The following KCNAB3 variants were observed in gnomAD, a reference collection of about 807,000 sequenced individuals.
KCNAB3 encodes the protein voltage-gated potassium channel subunit beta-3.
KCNAB3 carries 62 observed loss-of-function variants against 67.7 expected under a neutral mutation model. The ratio of observed to expected loss-of-function variants is 0.92; its 90% CI spans 0.75 to 1.13. The LOEUF (loss-of-function observed/expected upper bound fraction) is 1.13, where lower values mean the gene tolerates loss of function less well. KCNAB3 is among the 50% of genes most tolerant of loss of function. KCNAB3 has a pLI of 0.00. For synonymous variants in KCNAB3, 212 were observed against 205.4 expected, an observed-to-expected ratio of 1.03 and a Z score of -0.27; for missense variants, 514 against 522.9, an observed-to-expected ratio of 0.98 and a Z score of 0.17.
At chr17:7,927,847 G>C (rs540426650) in intron 1 of KCNAB3, 21 bp from the exon 2 acceptor site, 1 of 1,613,624 alleles carries the variant, frequency 6.2e-7, no homozygotes, top group Admixed American at 1.7e-5. Flanking sequence ...CAGAAGCAGC[G>C]GGAAGGGGTG....
Position 7,926,087 on chromosome 17 carries a change from C to G in KCNAB3, c.421G>C (p.Gly141Arg), listed in dbSNP as rs1260652941. 1.2e-6 allele frequency: 2 copies of G among 1,614,014 alleles called. No homozygotes were observed. The highest frequency in any genetic ancestry group is 1.7e-6 in the Non-Finnish European group (2 of 1,180,022). Residue 141 changes from glycine to arginine, a missense_variant, in exon 5 of 14, where the codon GGG (glycine) becomes CGG (arginine). Coordinates refer to ENST00000303790, the MANE Select transcript of KCNAB3 (RefSeq NM_004732.4). Reference protein sequence around the residue: ...YAAGKAERTLGNILKSKGWRR... With the variant: ...YAAGKAERTLRNILKSKGWRR... ...CAACCTTTGCTCTTGAGGATGTTCC[C>G]TAGGGTTCTTTCAGCCCTAAAAGAA... is the stretch of plus-strand genomic sequence containing the variant.
In KCNAB3 at chr17:7,923,040, G is replaced by T. The variant is rs969443100; in HGVS notation, c.*62C>A. 4.7e-6 allele frequency: 7 copies of T among 1,504,158 alleles called. No homozygotes were observed. The South Asian group carries it at 7.9e-5, about 17-fold the overall frequency. 93.2% of individuals were successfully genotyped at this position (1,504,158 alleles called of 1,614,324 possible). A position where few individuals can be genotyped will look rare whatever the true frequency, so the allele number is the denominator to read the frequency against. ...GGGATCCGGAGCGGGAGAGGCGGCT[G>T]CGAGGAGCGGGGCTCGGGCGGGTGC... On this transcript the variant is annotated 3_prime_UTR_variant, in exon 14 of 14. Transcript: ENST00000303790.
chr17:7,926,289 A>G (rs1357565781), intron 4 of KCNAB3, among the ~76,000 whole-genome samples, 186 bp from the exon 5 acceptor site: 2 of 152,220 alleles, frequency 1.3e-5, no homozygotes, highest in African/African-American at 4.8e-5. Flanking sequence ...TATAGTTTTC[A>G]TCACATATTC....
chr17:7,929,827 T>TACA lies in KCNAB3; in HGVS notation c.-393_-392insTGT. 6.8e-6 allele frequency: 7 copies of TACA among 1,026,648 alleles called. No individual in the cohort carries two copies. Among genetic ancestry groups the TACA allele is most frequent in the South Asian group, 3.6e-5 (1 of 27,912 alleles). 63.6% of individuals were successfully genotyped at this position (1,026,648 alleles called of 1,614,324 possible). ...CGAACCGCTGCGGGACCCGCTGGGC[T>TACA]CCCAGCCGCGTCGGCAGCGGGCCCA... On this transcript the variant is annotated 5_prime_UTR_variant, in exon 1 of 14. Transcript: ENST00000303790. The surrounding 1 kb of genome is among the most constrained non-coding windows in gnomAD (Gnocchi z 5.7).
In KCNAB3 at chr17:7,929,836, C is replaced by A; in HGVS notation, c.-401G>T. The A allele has an allele frequency of 9.3e-7, 1 of 1,071,608 alleles. No homozygotes were observed. The highest frequency in any genetic ancestry group is 1.1e-6 in the Non-Finnish European group (1 of 883,460). 66.4% of individuals were successfully genotyped at this position (1,071,608 alleles called of 1,614,324 possible). ...GCGGGACCCGCTGGGCTCCCAGCCG[C>A]GTCGGCAGCGGGCCCAGCTCATCAG... On this transcript the variant is annotated 5_prime_UTR_variant, in exon 1 of 14. Transcript: ENST00000303790. This position sits in a 1 kb window ranked among gnomAD's most constrained non-coding sequence, Gnocchi z 5.7.
chr17:7,929,710 A>C lies in KCNAB3; in HGVS notation c.-275T>G. ...CAGGAGCAAGGATTAGGAGGGGGAA[A>C]TGGATGAGGGTAAAGGTCGAGGATG... is the stretch of plus-strand genomic sequence containing the variant. On this transcript the variant is annotated 5_prime_UTR_variant, in exon 1 of 14. Transcript: ENST00000303790. This position sits in a 1 kb window ranked among gnomAD's most constrained non-coding sequence, Gnocchi z 5.7. The C allele has an allele frequency of 1.3e-5, 17 of 1,294,734 alleles. No homozygotes were observed. The highest frequency in any genetic ancestry group is 3.9e-5 in the East Asian group (1 of 25,644). The allele number at this position is 1,294,734 out of a possible 1,614,324, so 80.2% of individuals were successfully genotyped here. A position where few individuals can be genotyped will look rare whatever the true frequency, so the allele number is the denominator to read the frequency against.
intron 12 of KCNAB3, 34 bp downstream of exon 12, chr17:7,923,677 G>A: frequency 6.4e-7 from 1 of 1,553,322 alleles, no homozygotes; most frequent in Non-Finnish European, 8.7e-7. Context: ...CATGTCAGGA[G>A]GAGACAGGGC....
chr17:7,923,279 T>C (rs374328569), intron 13 of KCNAB3, 100 bp from the exon 14 acceptor site: 8 of 1,341,832 alleles, frequency 6.0e-6, no homozygotes, highest in Admixed American at 3.4e-5. Context: ...TGGGGTCAAG[T>C]GGCAAGGCAA....
chr17:7,927,222 A>T (rs370853227), intron 4 of KCNAB3, 122 bp downstream of exon 4: 4 of 936,340 alleles, frequency 4.3e-6, no homozygotes, highest in East Asian at 2.4e-5. Flanking sequence ...TCCCTCCGCC[A>T]AAAGGTTGGA....
intron 4 of KCNAB3, 188 bp downstream of exon 4, chr17:7,927,156 C>T: frequency 1.5e-6 from 1 of 661,922 alleles, no homozygotes; most frequent in Non-Finnish European, 2.7e-6. Context: ...CGCCCATTGA[C>T]TTCTAAGCCA....
At chr17:7,925,862 C>T (rs745533582) in intron 6 of KCNAB3, 69 bp downstream of exon 6, 6 of 1,463,864 alleles carry the variant, frequency 4.1e-6, no homozygotes, top group African/African-American at 1.4e-5. Context: ...CTGTCCCCAC[C>T]CCCACCCCAT....
intron 3 of KCNAB3, 70 bp downstream of exon 3, chr17:7,927,587 C>G: frequency 1.9e-6 from 3 of 1,587,252 alleles, no homozygotes; most frequent in Middle Eastern, 1.7e-4. Flanking sequence ...AAACCCCTAT[C>G]CAGGTTCACT....
At position 7,929,822 on chromosome 17, in the gene KCNAB3, TGGG is replaced by T; in HGVS notation, c.-390_-388del. On this transcript the variant is annotated 5_prime_UTR_variant, in exon 1 of 14. Coordinates refer to ENST00000303790, the MANE Select transcript of KCNAB3 (RefSeq NM_004732.4). The surrounding 1 kb of genome is among the most constrained non-coding windows in gnomAD (Gnocchi z 5.7). ...CAGCGCGAACCGCTGCGGGACCCGC[TGGG>T]CTCCCAGCCGCGTCGGCAGCGGGCC... 107 of 1,066,292 alleles carry T rather than the reference TGGG, an allele frequency of 1.0e-4. No homozygotes were observed. The highest frequency in any genetic ancestry group is 6.3e-4 in the Admixed American group (12 of 19,128). The allele number at this position is 1,066,292 out of a possible 1,614,324, so 66.1% of individuals were successfully genotyped here.
Position 7,929,822 on chromosome 17 carries a change from TGGGCTCCCAG to T in KCNAB3, c.-397_-388del. ...CAGCGCGAACCGCTGCGGGACCCGC[TGGGCTCCCAG>T]CCGCGTCGGCAGCGGGCCCAGCTCA... On this transcript the variant is annotated 5_prime_UTR_variant, in exon 1 of 14. Transcript: ENST00000303790. This position sits in a 1 kb window ranked among gnomAD's most constrained non-coding sequence, Gnocchi z 5.7. 20 of 1,066,396 alleles carry T rather than the reference TGGGCTCCCAG, an allele frequency of 1.9e-5. No homozygotes were observed. The highest frequency in any genetic ancestry group is 1.0e-4 in the Admixed American group (2 of 19,136). 66.1% of individuals were successfully genotyped at this position (1,066,396 alleles called of 1,614,324 possible). A position where few individuals can be genotyped will look rare whatever the true frequency, so the allele number is the denominator to read the frequency against.
At position 7,927,839 on chromosome 17, in the gene KCNAB3, G is replaced by A. The variant is rs928802266; in HGVS notation, c.243-13C>T. On this transcript the variant is annotated splice_polypyrimidine_tract_variant and intron_variant, in intron 1 of 13. Transcript: ENST00000303790. ...CTTCCCTAGGTTCCTGCAAGATACA[G>A]AAGCAGCGGGAAGGGGTGGAGCCTC... 1.9e-6 allele frequency: 3 copies of A among 1,613,732 alleles called. No individual in the cohort carries two copies. In the African/African-American group the frequency reaches 4.0e-5, roughly 22 times the overall value.
At chr17:7,923,868 T>TCACCAC in intron 11 of KCNAB3, 37 bp from the exon 12 acceptor site, 2 of 1,555,134 alleles carry the variant, frequency 1.3e-6, no homozygotes, top group Non-Finnish European at 1.7e-6. Flanking sequence ...GACCCCGCCA[T>TCACCAC]CACCACCACC....
rs1972147806 is a variant in KCNAB3, at chr17:7,924,246, C to G, written c.731G>C (p.Arg244Thr). The G allele has an allele frequency of 3.1e-6, 5 of 1,614,156 alleles. No individual in the cohort carries two copies. In the East Asian group the frequency reaches 1.1e-4, roughly 36 times the overall value. The part of the protein sequence containing the change: ...AEIMEAYSMA[R>T]QFNLIPPVCE... ...CACTGGAGGAATCAGATTGAACTGT[C>G]TGGCCATGGAGTAGGCCTCCTGGGT... Residue 244 changes from arginine to threonine, a missense_variant, in exon 10 of 14, where the codon AGA becomes ACA. Arg to Thr is a moderately conservative substitution (Grantham distance 71). Transcript: ENST00000303790.
chr17:7,923,272 G>A (rs1972104131), intron 13 of KCNAB3, 93 bp from the exon 14 acceptor site: 2 of 1,369,614 alleles, frequency 1.5e-6, no homozygotes, highest in East Asian at 2.3e-5. Context: ...ACCACAGTGG[G>A]GTCAAGTGGC....
At chr17:7,924,330 C>T in intron 9 of KCNAB3, 65 bp from the exon 10 acceptor site, 2 of 1,610,648 alleles carry the variant, frequency 1.2e-6, no homozygotes, top group Non-Finnish European at 1.7e-6. Context: ...TCTGCCTTCT[C>T]CCCCAGTGCA....
Sources: gnomAD v4.1 joint callset for allele counts (sites outside exome capture counted in the v4.1 genomes callset) on GRCh38, gnomAD v4.1.1 for gene constraint, Gnocchi (gnomAD v3.1) non-coding constraint, MANE v1.5 for transcripts, NCBI Gene and HGNC (gene_info 2026-07-23, HGNC 2026-07-21) for gene names.